The following ADGRL2 variants were observed in gnomAD, a reference collection of about 807,000 sequenced individuals.
ADGRL2 encodes adhesion G protein-coupled receptor L2, also known as calcium-independent alpha-latrotoxin receptor 2.
A neutral mutation model predicts 157.4 loss-of-function variants in ADGRL2; 44 were observed. That is an observed-to-expected ratio of 0.28 (90% CI 0.22 to 0.36). The LOEUF (loss-of-function observed/expected upper bound fraction) is 0.36. Among genes scored for constraint, ADGRL2 ranks in the 10% least tolerant of loss-of-function variants. The pLI is 1.00. For synonymous variants in ADGRL2, 585 were observed against 624.7 expected, an observed-to-expected ratio of 0.94 and a Z score of 0.95; for missense variants, 1,510 against 1,768.9, an observed-to-expected ratio of 0.85 and a Z score of 2.63.
At chr1:81,423,946 T>C (rs1026902444) in intron 1 of ADGRL2, among the ~76,000 whole-genome samples, 5 of 152,212 alleles carry the variant, frequency 3.3e-5, no homozygotes, top group African/African-American at 9.7e-5. Context: ...AAGTGTTCAA[T>C]CTACCAATGT....
chr1:81,708,655 T>TAC (rs201960798), intron 1 of ADGRL2, among the ~76,000 whole-genome samples: 16 of 151,086 alleles, frequency 1.1e-4, no homozygotes, highest in South Asian at 4.2e-4. Flanking sequence ...TATATATATA[T>TAC]ACACACACAC....
chr1:81,418,578 C>T (rs1442976669), intron 1 of ADGRL2, among the ~76,000 whole-genome samples: 1 of 147,218 alleles, frequency 6.8e-6, no homozygotes, highest in African/African-American at 2.5e-5. Context: ...GGTGAAACCC[C>T]GTCTCTACTA....
chr1:81,501,637 C>G (rs541730570), intron 2 of ADGRL2, among the ~76,000 whole-genome samples: 1 of 152,376 alleles, frequency 6.6e-6, no homozygotes, highest in South Asian at 2.1e-4. Flanking sequence ...GCTGCCGCGC[C>G]TGGGCCTGAG....
chr1:81,602,369 T>A (rs1241102554), intron 3 of ADGRL2, among the ~76,000 whole-genome samples: 1 of 151,480 alleles, frequency 6.6e-6, no homozygotes, highest in African/African-American at 2.4e-5. Flanking sequence ...CTGAGGCAGG[T>A]AGATCACGAG....
At chr1:81,763,966 A>G (rs1027867371) in intron 2 of ADGRL2, among the ~76,000 whole-genome samples, 2 of 152,124 alleles carry the variant, frequency 1.3e-5, no homozygotes, top group African/African-American at 4.8e-5. Context: ...GGATCGTGCC[A>G]CTGCACTCCA....
At chr1:81,976,360 A>T (rs1340453145) in intron 17 of ADGRL2, among the ~76,000 whole-genome samples, 1 of 151,978 alleles carries the variant, frequency 6.6e-6, no homozygotes, top group African/African-American at 2.4e-5. Context: ...TATGCTTTCA[A>T]GTCATGTTTC....
Position 81,396,316 on chromosome 1 carries a change from A to C in ADGRL2, c.-301-48720A>C, listed in dbSNP as rs189576763. 9.3e-4 allele frequency among the ~76,000 whole-genome samples: 141 copies of C among 152,308 alleles called. 2 individuals are homozygous for C. The South Asian group carries it at 9.7e-3, about 11-fold the overall frequency. On this transcript the variant is annotated intron_variant, in intron 1 of 24. Transcript: ENST00000370721. ...TTTCACTAGTTCATTGTTGGTGTATACAAATGCTATTGATTTTTGCATGTT... is the reference window on the plus strand; with the variant it reads ...TTTCACTAGTTCATTGTTGGTGTATCCAAATGCTATTGATTTTTGCATGTT...
intron 1 of ADGRL2, among the ~76,000 whole-genome samples, chr1:81,429,828 G>T (rs141898077): frequency 1.3e-5 from 2 of 152,330 alleles, no homozygotes; most frequent in Non-Finnish European, 2.9e-5. Flanking sequence ...GTGAAGAAAA[G>T]ATGGGAAGCC....
At chr1:81,546,033 G>A (rs564760181) in intron 2 of ADGRL2, among the ~76,000 whole-genome samples, 32 of 152,232 alleles carry the variant, frequency 2.1e-4, no homozygotes, top group African/African-American at 6.5e-4. Context: ...AGCTCTGGAC[G>A]GATCAGTGCT....
At chr1:81,468,267 A>G (rs115868841) in intron 2 of ADGRL2, among the ~76,000 whole-genome samples, 1,754 of 152,306 alleles carry the variant, frequency 0.012, 36 homozygotes, top group African/African-American at 0.04. Flanking sequence ...ACTGGTATAA[A>G]TTATGCTAAT....
rs551573912 is a variant in ADGRL2, at chr1:81,782,005, C to T, written c.-101+20153C>T. Among the ~76,000 whole-genome samples the T allele has an allele frequency of 4.6e-5, 7 of 152,296 alleles. No individual in the cohort carries two copies. In the East Asian group the frequency reaches 1.4e-3, roughly 29 times the overall value. On this transcript the variant is annotated intron_variant, in intron 2 of 20. Coordinates refer to the ADGRL2 transcript ENST00000359929. ...AGAGCCATGGGTCCCTAAATAGTGT[C>T]TCTGCTTCCAGCTCCCAGTGTTCCC...
chr1:81,869,525 T>C (rs897943749), intron 2 of ADGRL2, among the ~76,000 whole-genome samples: 2 of 152,210 alleles, frequency 1.3e-5, no homozygotes, highest in East Asian at 1.9e-4. Context: ...CTTCCAGCCA[T>C]TGTAAACATA....
chr1:81,719,562 GT>G (rs2084227909), intron 1 of ADGRL2, among the ~76,000 whole-genome samples: 1 of 151,962 alleles, frequency 6.6e-6, no homozygotes, highest in Non-Finnish European at 1.5e-5. Flanking sequence ...TACTTAGCCA[GT>G]TGCTTTAATC....
At chr1:81,600,943 C>A (rs2148631101) in intron 3 of ADGRL2, among the ~76,000 whole-genome samples, 1 of 152,240 alleles carries the variant, frequency 6.6e-6, no homozygotes, top group East Asian at 1.9e-4. Flanking sequence ...TCATTCAGTG[C>A]CATGTTTAAG....
intron 2 of ADGRL2, among the ~76,000 whole-genome samples, chr1:81,463,703 A>C (rs1464803114): frequency 6.6e-6 from 1 of 152,082 alleles, no homozygotes; most frequent in Non-Finnish European, 1.5e-5. Context: ...AATGAACCAG[A>C]CTCGCAATAA....
intron 3 of ADGRL2, among the ~76,000 whole-genome samples, chr1:81,924,104 T>C (rs1240076987): frequency 6.6e-6 from 1 of 152,190 alleles, no homozygotes; most frequent in Non-Finnish European, 1.5e-5. Context: ...ATCATTTGTA[T>C]TGGCTTTCTG....
At chr1:81,989,824 A>G (rs1362728845) in intron 23 of ADGRL2, 1 of 1,428,840 alleles carries the variant, frequency 7.0e-7, no homozygotes, top group Non-Finnish European at 9.1e-7. Flanking sequence ...GTATCTGTCC[A>G]TGTTTTCATT....
At chr1:81,369,809 T>G (rs1189160816) in intron 1 of ADGRL2, among the ~76,000 whole-genome samples, 1 of 152,198 alleles carries the variant, frequency 6.6e-6, no homozygotes, top group Non-Finnish European at 1.5e-5. Flanking sequence ...GCACTTGTAA[T>G]CGTACAGGAA....
At chr1:81,974,224 A>G (rs912298693) in intron 17 of ADGRL2, among the ~76,000 whole-genome samples, 4 of 152,284 alleles carry the variant, frequency 2.6e-5, no homozygotes, top group East Asian at 1.9e-4. Flanking sequence ...CTGCATTTCT[A>G]TAGGATGTCT....
Sources: gnomAD v4.1 joint callset for allele counts (sites outside exome capture counted in the v4.1 genomes callset) on GRCh38, gnomAD v4.1.1 for gene constraint, MANE v1.5 for transcripts, NCBI Gene and HGNC (gene_info 2026-07-23, HGNC 2026-07-21) for gene names.